The following CAST variants were observed in gnomAD, a reference collection of about 807,000 sequenced individuals.
CAST encodes MIR583 host.
In CAST, 76 loss-of-function variants were observed where a neutral mutation model predicts 119.6. The ratio of observed to expected loss-of-function variants is 0.64; its 90% CI spans 0.53 to 0.77. CAST has a LOEUF of 0.77. Among genes scored for constraint, CAST ranks in the 30% least tolerant of loss-of-function variants. The pLI, the probability that CAST is intolerant of heterozygous loss-of-function variation, is 0.00. For missense variants in CAST, 953 were observed against 946.5 expected, an observed-to-expected ratio of 1.01 and a Z score of -0.09; for synonymous variants, 319 against 331.6, an observed-to-expected ratio of 0.96 and a Z score of 0.41.
chr5:96,592,372 A>G (rs1439205208), intron 1 of CAST, among the ~76,000 whole-genome samples: 4 of 151,986 alleles, frequency 2.6e-5, no homozygotes, highest in African/African-American at 9.7e-5. Context: ...CTGCACTCCA[A>G]CCTAGGTGAC....
chr5:96,612,023 G>A (rs1256973850), intron 1 of CAST, among the ~76,000 whole-genome samples: 1 of 152,146 alleles, frequency 6.6e-6, no homozygotes, highest in Non-Finnish European at 1.5e-5. Flanking sequence ...CCACTGTGGA[G>A]AGCAGTTTGG....
chr5:96,481,840 A>T, the CAST span, among the ~76,000 whole-genome samples: 2 of 152,310 alleles, frequency 1.3e-5, no homozygotes. Flanking sequence ...TTGCTTACTC[A>T]TGCCTGCAGG....
chr5:96,489,324 C>T, the CAST span, among the ~76,000 whole-genome samples: 3 of 152,160 alleles, frequency 2.0e-5, no homozygotes, highest in Admixed American at 1.3e-4. Context: ...CTTCTTCCAT[C>T]AGTAAAGAAA....
the CAST span, among the ~76,000 whole-genome samples, chr5:96,437,120 T>G: frequency 1.3e-5 from 2 of 152,198 alleles, no homozygotes; most frequent in Non-Finnish European, 2.9e-5. Flanking sequence ...TTCTACTGGT[T>G]GGGATGCTCT....
the CAST span, among the ~76,000 whole-genome samples, chr5:96,238,364 C>CA: frequency 3.3e-3 from 465 of 141,808 alleles, 2 homozygotes; most frequent in African/African-American, 0.012. Flanking sequence ...TCTTCTTCTT[C>CA]TCCTTCTTCT....
chr5:96,045,613 C>T, the CAST span, among the ~76,000 whole-genome samples: 1 of 151,992 alleles, frequency 6.6e-6, no homozygotes, highest in Non-Finnish European at 1.5e-5. Context: ...ATAATAATGA[C>T]AATAGATAAT....
At chr5:96,287,657 A>C in the CAST span, among the ~76,000 whole-genome samples, 1 of 152,140 alleles carries the variant, frequency 6.6e-6, no homozygotes, top group Non-Finnish European at 1.5e-5. Flanking sequence ...AAGGAAGTTG[A>C]AATTTTATCT....
the CAST span, among the ~76,000 whole-genome samples, chr5:96,326,736 G>T: frequency 3.5e-5 from 4 of 115,856 alleles, no homozygotes; most frequent in East Asian, 1.0e-3. Flanking sequence ...AGCATCTGTC[G>T]CATTATCTGG....
the CAST span, among the ~76,000 whole-genome samples, chr5:96,500,432 G>A: frequency 4.6e-5 from 7 of 152,268 alleles, no homozygotes; most frequent in South Asian, 1.5e-3. Context: ...TGTGCTGTTG[G>A]TAGAGGAATG....
At chr5:96,136,705 T>G in the CAST span, among the ~76,000 whole-genome samples, 9 of 152,234 alleles carry the variant, frequency 5.9e-5, no homozygotes, top group African/African-American at 2.2e-4. Context: ...TTACTACCTG[T>G]GTAATTCTAG....
At chr5:96,660,034 G>T (rs1488592478), upstream of CAST, among the ~76,000 whole-genome samples, 1 of 152,082 alleles carries the variant, frequency 6.6e-6, no homozygotes, top group African/African-American at 2.4e-5. Flanking sequence ...TGAAGGTTAG[G>T]GTTATTACCT....
At chr5:96,317,849 C>T in the CAST span, among the ~76,000 whole-genome samples, 1 of 152,116 alleles carries the variant, frequency 6.6e-6, no homozygotes, top group Admixed American at 6.5e-5. Flanking sequence ...TTGGTAACAT[C>T]TGCACCCTGA....
chr5:96,480,791 A>G, the CAST span, among the ~76,000 whole-genome samples: 1 of 152,232 alleles, frequency 6.6e-6, no homozygotes, highest in Admixed American at 6.5e-5. Context: ...AGTTTTACAG[A>G]GAAGCAACCA....
chr5:96,249,436 C>G, the CAST span, among the ~76,000 whole-genome samples: 8 of 152,180 alleles, frequency 5.3e-5, no homozygotes, highest in Non-Finnish European at 7.3e-5. Flanking sequence ...AATAATACTA[C>G]TTTCCTCATA....
the CAST span, among the ~76,000 whole-genome samples, chr5:96,082,530 C>T: frequency 6.6e-6 from 1 of 152,174 alleles, no homozygotes; most frequent in Admixed American, 6.5e-5. Flanking sequence ...ACTGTCTAAA[C>T]TATGGAATAA....
rs143730250 is a variant in CAST at position 96,689,241 on chromosome 5, A to T, written c.139-6595A>T. Among the ~76,000 whole-genome samples, 326 of 152,338 alleles carry T rather than the reference A, an allele frequency of 2.1e-3. 1 individual carries two copies. Among genetic ancestry groups the T allele is most frequent in the African/African-American group, 7.4e-3 (309 of 41,576 alleles). On this transcript the variant is annotated intron_variant, in intron 2 of 31. Coordinates refer to ENST00000675179, the MANE Select transcript of CAST (RefSeq NM_001750.7). ...TTAAAGAGGTTTATATGCACACACT[A>T]TCCCCACCCTTGTAGGGACAATCTT... is the stretch of plus-strand genomic sequence containing the variant.
rs764738302 is a variant in CAST, at chr5:96,746,339, CA to C, written c.1201-2del. 1 of 1,583,372 alleles carries C rather than the reference CA, an allele frequency of 6.3e-7. No individual in the cohort carries two copies. The highest frequency in any genetic ancestry group is 8.7e-7 in the Non-Finnish European group (1 of 1,152,144). On this transcript the variant is annotated splice_acceptor_variant, in intron 16 of 31. Transcript: ENST00000675179. LOFTEE classifies it high-confidence loss of function. ...CTTTTTTTTTCCCCTCCATTTTCAT[CA>C]GGCAAAAGCTAAAGAAGAAAAACTA...
chr5:96,269,033 C>A, the CAST span, among the ~76,000 whole-genome samples: 1 of 152,164 alleles, frequency 6.6e-6, no homozygotes, highest in East Asian at 1.9e-4. Context: ...CTTGCTTCCC[C>A]TTTGCCTTCC....
chr5:96,169,075 T>C, the CAST span, among the ~76,000 whole-genome samples: 7 of 152,122 alleles, frequency 4.6e-5, no homozygotes, highest in Non-Finnish European at 8.8e-5. Flanking sequence ...CTGACTGCAC[T>C]AACCATACCT....
Sources: gnomAD v4.1 joint callset for allele counts (sites outside exome capture counted in the v4.1 genomes callset) on GRCh38, gnomAD v4.1.1 for gene constraint, MANE v1.5 for transcripts, NCBI Gene and HGNC (gene_info 2026-07-23, HGNC 2026-07-21) for gene names.